The following CNTN5 variants were observed in gnomAD, a reference collection of about 807,000 sequenced individuals.
CNTN5 encodes contactin-5.
CNTN5 carries 77 observed loss-of-function variants against 129.1 expected under a neutral mutation model. The observed-to-expected ratio is 0.60, with a 90% confidence interval of 0.50 to 0.72. CNTN5 has a LOEUF of 0.72. Among genes scored for constraint, CNTN5 ranks in the 30% least tolerant of loss-of-function variants. The pLI is 0.00. For missense variants in CNTN5, 1,478 were observed against 1,328.8 expected, an observed-to-expected ratio of 1.11 and a Z score of -1.75; for synonymous variants, 509 against 465.6, an observed-to-expected ratio of 1.09 and a Z score of -1.20.
chr11:100,036,329 C>T (rs1186510357), intron 9 of CNTN5, among the ~76,000 whole-genome samples: 1 of 151,868 alleles, frequency 6.6e-6, no homozygotes, highest in Non-Finnish European at 1.5e-5. Context: ...TGGTCTATAT[C>T]TCTGTTTTGG....
At chr11:100,227,742 C>T (rs555010490) in intron 16 of CNTN5, among the ~76,000 whole-genome samples, 51 of 152,248 alleles carry the variant, frequency 3.3e-4, no homozygotes, top group African/African-American at 9.9e-4. Flanking sequence ...CATCTGTGCA[C>T]CATTTTAGTC....
At chr11:99,785,965 C>T (rs1022088095) in intron 3 of CNTN5, among the ~76,000 whole-genome samples, 1 of 152,058 alleles carries the variant, frequency 6.6e-6, no homozygotes, top group Non-Finnish European at 1.5e-5. Context: ...TGCTGTCTCT[C>T]ACCACTCCTA....
At chr11:99,397,180 C>A (rs894427434) in intron 2 of CNTN5, among the ~76,000 whole-genome samples, 1 of 151,730 alleles carries the variant, frequency 6.6e-6, no homozygotes, top group Non-Finnish European at 1.5e-5. Flanking sequence ...CAGAATATCT[C>A]TGAGTTGATA....
intron 13 of CNTN5, among the ~76,000 whole-genome samples, chr11:100,177,851 G>A (rs531478580): frequency 6.0e-4 from 91 of 152,114 alleles, no homozygotes; most frequent in African/African-American, 5.1e-4. Context: ...CCCAGATGAC[G>A]TCATATACTT....
intron 3 of CNTN5, among the ~76,000 whole-genome samples, chr11:99,642,317 T>TA (rs1951799728): frequency 6.6e-6 from 1 of 152,214 alleles, no homozygotes; most frequent in Admixed American, 6.5e-5. Context: ...TTTTATGAAG[T>TA]AAAAAACCTC....
chr11:99,325,437 C>T lies in CNTN5; in HGVS notation c.-118C>T, dbSNP rs1481130602. 6.6e-6 allele frequency: 1 copy of T among 151,970 alleles called. No homozygotes were observed. Among genetic ancestry groups the T allele is most frequent in the Non-Finnish European group, 1.5e-5 (1 of 68,006 alleles). 9.4% of individuals were successfully genotyped at this position (151,970 alleles called of 1,614,324 possible). The stretch of plus-strand genomic sequence containing the variant: ...TGCAAAAGGATTACTTTACAGATAC[C>T]AGTTCCTTTGTCAAGAGCATACTTT... On this transcript the variant is annotated 5_prime_UTR_variant, in exon 2 of 25. An upstream open reading frame in the 5' UTR gains an earlier in-frame stop. Transcript: ENST00000524871.
At chr11:99,336,204 G>A (rs938173266) in intron 2 of CNTN5, among the ~76,000 whole-genome samples, 1 of 152,108 alleles carries the variant, frequency 6.6e-6, no homozygotes, top group African/African-American at 2.4e-5. Flanking sequence ...TTAGCTATTA[G>A]GTATGAAATT....
At chr11:100,286,856 G>GA (rs1321171442) in intron 18 of CNTN5, among the ~76,000 whole-genome samples, 1 of 151,120 alleles carries the variant, frequency 6.6e-6, no homozygotes, top group African/African-American at 2.4e-5. Context: ...TGAAAACTTT[G>GA]AAAAAAATTT....
intron 3 of CNTN5, among the ~76,000 whole-genome samples, chr11:99,638,839 T>C (rs1004552534): frequency 2.6e-5 from 4 of 152,156 alleles, no homozygotes; most frequent in Admixed American, 2.0e-4. Flanking sequence ...CGTTTGAGTG[T>C]CTGTGGCTTT....
At chr11:99,237,859 A>G (rs1210428182) in intron 1 of CNTN5, among the ~76,000 whole-genome samples, 2 of 152,290 alleles carry the variant, frequency 1.3e-5, no homozygotes, top group African/African-American at 2.4e-5. Context: ...CTTGCATTTT[A>G]TCTCATTATT....
chr11:99,868,700 G>A (rs988399992), intron 6 of CNTN5, among the ~76,000 whole-genome samples: 4 of 152,186 alleles, frequency 2.6e-5, no homozygotes, highest in African/African-American at 9.6e-5. Flanking sequence ...ACAGCATGGT[G>A]TGTAGTAAGG....
intron 1 of CNTN5, among the ~76,000 whole-genome samples, chr11:99,058,448 TTA>T (rs1018071776): frequency 1.3e-5 from 2 of 152,054 alleles, no homozygotes; most frequent in African/African-American, 4.8e-5. Context: ...CTGTTTACAT[TTA>T]TATATATGTG....
intron 16 of CNTN5, among the ~76,000 whole-genome samples, chr11:100,246,527 A>G: frequency 6.6e-6 from 1 of 152,090 alleles, no homozygotes; most frequent in Non-Finnish European, 1.5e-5. Context: ...ACAGCTCATA[A>G]AATTTACATT....
chr11:99,634,346 T>A (rs535265610), intron 3 of CNTN5, among the ~76,000 whole-genome samples: 2 of 152,262 alleles, frequency 1.3e-5, no homozygotes, highest in Admixed American at 6.5e-5. Flanking sequence ...AGTGCACATA[T>A]TACTAACAAG....
intron 4 of CNTN5, among the ~76,000 whole-genome samples, chr11:99,832,008 C>G (rs959557628): frequency 6.6e-6 from 1 of 152,066 alleles, no homozygotes; most frequent in African/African-American, 2.4e-5. Context: ...CTTCAAGTTC[C>G]TTGTCTCCTT....
chr11:100,162,203 A>C (rs1002428192), intron 13 of CNTN5, among the ~76,000 whole-genome samples: 2 of 151,908 alleles, frequency 1.3e-5, no homozygotes, highest in Non-Finnish European at 2.9e-5. Context: ...TGAGCATTAA[A>C]TGAACTAACC....
At chr11:99,522,802 A>G (rs925837439) in intron 2 of CNTN5, among the ~76,000 whole-genome samples, 1 of 152,170 alleles carries the variant, frequency 6.6e-6, no homozygotes, top group Non-Finnish European at 1.5e-5. Context: ...TATTCTTTAG[A>G]ATACTTCAAT....
chr11:99,787,120 A>AT (rs758903778), intron 3 of CNTN5, among the ~76,000 whole-genome samples: 116 of 149,172 alleles, frequency 7.8e-4, no homozygotes, highest in South Asian at 4.0e-3. Context: ...TTATTTATTT[A>AT]TTATTATTAT....
At chr11:100,126,958 C>G (rs1031943780) in intron 13 of CNTN5, among the ~76,000 whole-genome samples, 4 of 151,902 alleles carry the variant, frequency 2.6e-5, no homozygotes, top group Non-Finnish European at 5.9e-5. Flanking sequence ...CCCGTTCTGA[C>G]ACCCAGGATG....
Sources: gnomAD v4.1 joint callset for allele counts (sites outside exome capture counted in the v4.1 genomes callset) on GRCh38, gnomAD v4.1.1 for gene constraint, MANE v1.5 for transcripts, NCBI Gene and HGNC (gene_info 2026-07-23, HGNC 2026-07-21) for gene names.